The following PRKN variants were observed in gnomAD, a reference collection of about 807,000 sequenced individuals.
PRKN encodes parkin RBR E3 ubiquitin protein ligase.
A neutral mutation model predicts 59.5 loss-of-function variants in PRKN; 56 were observed. That is an observed-to-expected ratio of 0.94 (90% CI 0.76 to 1.18). The LOEUF (loss-of-function observed/expected upper bound fraction) is 1.18. Ranked by LOEUF, PRKN falls within the 50% of genes most tolerant of loss-of-function variation. The pLI, the probability that PRKN is intolerant of heterozygous loss-of-function variation, is 0.00. For missense variants in PRKN, 657 were observed against 596.4 expected (o/e 1.10, Z -1.06); for synonymous variants, 250 against 222.1 (o/e 1.13, Z -1.12).
In PRKN at chr6:161,431,091, A is replaced by G. The variant is rs1056298211; in HGVS notation, c.1084-44214T>C. On this transcript the variant is annotated intron_variant, in intron 9 of 11. Transcript: ENST00000366898. Reference sequence around the variant, plus strand: ...GGGGCGGAGGTTGAAACGAGTCGAGATCACTCCACTGCACTTCAGCCTGGG... The same window carrying G: ...GGGGCGGAGGTTGAAACGAGTCGAGGTCACTCCACTGCACTTCAGCCTGGG... Among the ~76,000 whole-genome samples the G allele has an allele frequency of 2.7e-5, 4 of 150,822 alleles. No individual in the cohort carries two copies. In the Admixed American group the frequency reaches 2.7e-4, roughly 10 times the overall value.
chr6:162,194,845 T>A (rs999884480), intron 4 of PRKN, among the ~76,000 whole-genome samples: 5 of 152,000 alleles, frequency 3.3e-5, no homozygotes, highest in African/African-American at 1.2e-4. Context: ...CTTTGCGAGG[T>A]GAGTGTGCAT....
intron 2 of PRKN, among the ~76,000 whole-genome samples, chr6:162,324,029 G>C (rs1369806898): frequency 6.6e-6 from 1 of 151,972 alleles, no homozygotes; most frequent in Non-Finnish European, 1.5e-5. Flanking sequence ...ACTGTGGTAA[G>C]TCTACACACC....
At chr6:161,982,108 T>C (rs1781281578) in intron 5 of PRKN, among the ~76,000 whole-genome samples, 2 of 152,226 alleles carry the variant, frequency 1.3e-5, no homozygotes, top group African/African-American at 4.8e-5. Flanking sequence ...CAGTGTGCCT[T>C]GAAGTTTATT....
chr6:162,651,676 T>C (rs1778438885), intron 1 of PRKN, among the ~76,000 whole-genome samples: 1 of 152,130 alleles, frequency 6.6e-6, no homozygotes, highest in Non-Finnish European at 1.5e-5. Context: ...TATATGCCCA[T>C]GGGAAGAAGG....
intron 4 of PRKN, among the ~76,000 whole-genome samples, chr6:162,187,512 GATGCCCCCCACCCCAAT>G (rs2128325252): frequency 6.6e-6 from 1 of 152,208 alleles, no homozygotes; most frequent in Admixed American, 6.5e-5. Flanking sequence ...AAGGACGGAG[GATGCCCCCCACCCCAAT>G]ATACACCACC....
At chr6:162,597,194 T>C (rs1174866282) in intron 1 of PRKN, among the ~76,000 whole-genome samples, 8 of 152,220 alleles carry the variant, frequency 5.3e-5, no homozygotes, top group African/African-American at 1.9e-4. Flanking sequence ...ACCTTATATT[T>C]ATATGAAATG....
At chr6:162,286,164 G>A (rs1379407394) in intron 2 of PRKN, among the ~76,000 whole-genome samples, 1 of 152,146 alleles carries the variant, frequency 6.6e-6, no homozygotes, top group Admixed American at 6.5e-5. Flanking sequence ...GAAACTGGAA[G>A]CTTCCTTTTT....
At chr6:162,318,724 T>C (rs1782856066) in intron 2 of PRKN, among the ~76,000 whole-genome samples, 1 of 152,012 alleles carries the variant, frequency 6.6e-6, no homozygotes, top group African/African-American at 2.4e-5. Flanking sequence ...CTGAGCTTAT[T>C]GGCGTGATTA....
intron 5 of PRKN, among the ~76,000 whole-genome samples, chr6:161,976,318 C>T (rs1781029404): frequency 1.3e-5 from 2 of 152,210 alleles, no homozygotes; most frequent in African/African-American, 4.8e-5. Context: ...TAAACCTATC[C>T]TATCTGGGGC....
intron 5 of PRKN, among the ~76,000 whole-genome samples, chr6:162,002,911 G>A (rs779009485): frequency 1.5e-4 from 23 of 151,850 alleles, no homozygotes; most frequent in African/African-American, 4.4e-4. Context: ...TAATTTCCAC[G>A]TCTTTTGGGA....
intron 2 of PRKN, among the ~76,000 whole-genome samples, chr6:162,325,962 G>A (rs530654595): frequency 6.6e-6 from 1 of 152,200 alleles, no homozygotes; most frequent in East Asian, 1.9e-4. Flanking sequence ...AATGGTGACG[G>A]CACACATAAT....
intron 3 of PRKN, among the ~76,000 whole-genome samples, chr6:162,258,361 C>T (rs978479183): frequency 1.1e-4 from 16 of 152,104 alleles, no homozygotes; most frequent in Non-Finnish European, 1.6e-4. Context: ...AACTGTATGA[C>T]GGATATTGGA....
intron 6 of PRKN, among the ~76,000 whole-genome samples, chr6:161,872,707 G>C (rs12333051): frequency 5.9e-5 from 9 of 151,696 alleles, no homozygotes; most frequent in African/African-American, 2.2e-4. Context: ...TTCACTCCCC[G>C]GCCCTCCCGC....
intron 2 of PRKN, among the ~76,000 whole-genome samples, chr6:162,429,426 C>T (rs1183107289): frequency 6.6e-6 from 1 of 152,170 alleles, no homozygotes; most frequent in African/African-American, 2.4e-5. Flanking sequence ...GAAAGAGGAA[C>T]TCAAGAGTCC....
At chr6:162,194,602 A>T (rs1025867905) in intron 4 of PRKN, among the ~76,000 whole-genome samples, 5 of 152,170 alleles carry the variant, frequency 3.3e-5, no homozygotes, top group Non-Finnish European at 7.3e-5. Flanking sequence ...TATTGTATAC[A>T]GTATGCAAAT....
At position 162,727,710 on chromosome 6, in the gene PRKN, A is replaced by G. The variant is rs112850281; in HGVS notation, c.-42T>C. 6.1e-4 allele frequency: 945 copies of G among 1,556,414 alleles called. 4 individuals carry two copies. The Middle Eastern group carries it at 8.2e-3, about 14-fold the overall frequency. On this transcript the variant is annotated 5_prime_UTR_variant, in exon 1 of 12. It removes an upstream start codon present in the reference 5' UTR. Transcript: ENST00000366898. ...GCGGCTGCGGGCCAGGAACAGGCCC[A>G]TGCGCGCAGCGGCGCCAGCCGCGCC... is the stretch of plus-strand genomic sequence containing the variant.
chr6:162,404,108 A>C (rs933939530), intron 2 of PRKN, among the ~76,000 whole-genome samples: 1 of 152,124 alleles, frequency 6.6e-6, no homozygotes, highest in Non-Finnish European at 1.5e-5. Flanking sequence ...GCAGTGGCTC[A>C]TGCCTGTAAT....
chr6:162,628,174 G>A (rs1306896095), intron 1 of PRKN, among the ~76,000 whole-genome samples: 1 of 152,126 alleles, frequency 6.6e-6, no homozygotes, highest in Admixed American at 6.6e-5. Context: ...AAAAAAGGTC[G>A]TTTCTGAAAG....
intron 4 of PRKN, among the ~76,000 whole-genome samples, chr6:162,197,819 C>G (rs1290112942): frequency 6.6e-6 from 1 of 152,144 alleles, no homozygotes; most frequent in Non-Finnish European, 1.5e-5. Flanking sequence ...GGTATGAATT[C>G]ATGGAGTCAA....
Sources: allele counts gnomAD v4.1 joint callset (sites outside exome capture counted in the v4.1 genomes callset), GRCh38; gene constraint gnomAD v4.1.1; transcripts MANE v1.5; gene names NCBI Gene and HGNC (gene_info 2026-07-23, HGNC 2026-07-21).